KCNQ1: variants seen among roughly 807,000 people sequenced by gnomAD.
KCNQ1 encodes potassium voltage-gated channel subfamily Q member 1.
In KCNQ1, 49 loss-of-function variants were observed where a neutral mutation model predicts 72.4. The ratio of observed to expected loss-of-function variants is 0.68; its 90% CI spans 0.54 to 0.86. The LOEUF (loss-of-function observed/expected upper bound fraction) is 0.86. Ranked by LOEUF, KCNQ1 falls within the 40% of genes least tolerant of loss-of-function variation. The probability of loss-of-function intolerance (pLI) is 0.00; values close to 1 mark genes in which losing one functional copy is unlikely to be tolerated. For synonymous variants in KCNQ1, 450 were observed against 412.6 expected, an observed-to-expected ratio of 1.09 and a Z score of -1.10; for missense variants, 790 against 945.1, an observed-to-expected ratio of 0.84 and a Z score of 2.15.
chr11:2,638,577 A>G (rs1849518024), intron 10 of KCNQ1: 1 of 151,972 alleles, frequency 6.6e-6, no homozygotes, highest in African/African-American at 2.4e-5. Flanking sequence ...TTTGTGGGTA[A>G]CCCAACCTTT....
rs1488886564 is a variant in KCNQ1, at chr11:2,734,029, G to C, written c.1515-34815G>C. Among the ~76,000 whole-genome samples, 1 of 151,906 alleles carries C rather than the reference G, an allele frequency of 6.6e-6. No homozygotes were observed. The highest frequency in any genetic ancestry group is 2.4e-5 in the African/African-American group (1 of 41,336). ...AGAGCAGTTGCGCGCTCTAAATCAG[G>C]ACCACCTTGCGGTTCTCCCAGCCCC... On this transcript the variant is annotated intron_variant, in intron 11 of 15. Coordinates refer to ENST00000155840, the MANE Select transcript of KCNQ1 (RefSeq NM_000218.3). This position sits in a 1 kb window ranked among gnomAD's most constrained non-coding sequence, Gnocchi z 7.0.
intron 2 of KCNQ1, among the ~76,000 whole-genome samples, chr11:2,560,539 G>GT (rs2082205811): frequency 9.2e-6 from 1 of 108,716 alleles, no homozygotes; most frequent in Non-Finnish European, 1.9e-5. Context: ...TTCTGGGGGG[G>GT]CGGGGGGGGG....
rs1452525744 is a variant in KCNQ1, at chr11:2,550,733, G to A, written c.478-19895G>A. ...GGAAGGAGCCTCACAGGAAGGGCAG[G>A]GCAGCACCAGGCTCAGCCCAGGACC... On this transcript the variant is annotated intron_variant, in intron 2 of 15. Transcript: ENST00000155840. This position sits in a 1 kb window ranked among gnomAD's most constrained non-coding sequence, Gnocchi z 6.0. Among the ~76,000 whole-genome samples the A allele has an allele frequency of 6.6e-6, 1 of 152,144 alleles. No individual in the cohort carries two copies. The highest frequency in any genetic ancestry group is 2.4e-5 in the African/African-American group (1 of 41,420).
intron 10 of KCNQ1, chr11:2,622,164 A>G: frequency 2.5e-6 from 1 of 398,322 alleles, no homozygotes; most frequent in East Asian, 3.6e-5. Flanking sequence ...GAAGTCCCTA[A>G]GTATTATTGT....
At chr11:2,755,116 C>T (rs1846279234) in intron 11 of KCNQ1, among the ~76,000 whole-genome samples, 1 of 152,186 alleles carries the variant, frequency 6.6e-6, no homozygotes, top group Non-Finnish European at 1.5e-5. Flanking sequence ...TAGGGGTTGT[C>T]TGCATTCCTT....
chr11:2,831,393 G>A (rs1165841616), intron 15 of KCNQ1, among the ~76,000 whole-genome samples: 3 of 152,124 alleles, frequency 2.0e-5, no homozygotes, highest in Non-Finnish European at 2.9e-5. Context: ...TGAATGCCTT[G>A]TAGGCCTGGA....
At chr11:2,597,753 T>A (rs2133772716) in intron 10 of KCNQ1, among the ~76,000 whole-genome samples, 1 of 152,352 alleles carries the variant, frequency 6.6e-6, no homozygotes, top group Non-Finnish European at 1.5e-5. Flanking sequence ...TCTTTAGTAA[T>A]TTCTTTTTAG....
chr11:2,779,207 ACC>A (rs1846772378), intron 15 of KCNQ1, among the ~76,000 whole-genome samples: 1 of 152,140 alleles, frequency 6.6e-6, no homozygotes, highest in Admixed American at 6.5e-5. Flanking sequence ...AGGAAGCAAG[ACC>A]CGGGAGAGGT....
chr11:2,658,305 A>G lies in KCNQ1; in HGVS notation c.1394-3656A>G, dbSNP rs778105403. ...ATTTTTTATTTGGAATTCCTTTATA[A>G]GGAAGATTTGTCCCTCTCCTCCAAT... On this transcript the variant is annotated intron_variant, in intron 10 of 15. Coordinates refer to ENST00000155840, the MANE Select transcript of KCNQ1 (RefSeq NM_000218.3). This position sits in a 1 kb window ranked among gnomAD's most constrained non-coding sequence, Gnocchi z 4.9. The G allele has an allele frequency of 5.9e-4, 236 of 398,500 alleles. No homozygotes were observed. The highest frequency in any genetic ancestry group is 8.7e-4 in the Non-Finnish European group (197 of 226,034). The allele number at this position is 398,500 out of a possible 1,614,324, so 24.7% of individuals were successfully genotyped here. A position where few individuals can be genotyped will look rare whatever the true frequency, so the allele number is the denominator to read the frequency against.
intron 10 of KCNQ1, chr11:2,615,460 C>G (rs11023477): frequency 0.011 from 4,468 of 397,986 alleles, 98 homozygotes; most frequent in South Asian, 0.05. Flanking sequence ...CTGGGTAAAG[C>G]ATACAGCCAT....
rs72637000 is a variant in KCNQ1, at chr11:2,519,783, A to G, written c.387-8145A>G. Among the ~76,000 whole-genome samples the G allele has an allele frequency of 3.2e-4, 26 of 80,654 alleles. No individual in the cohort carries two copies. The East Asian group carries it at 3.2e-3, about 10-fold the overall frequency. 52.9% of individuals were successfully genotyped at this position (80,654 alleles called of 152,430 possible). ...GTACAGCAGGTGTTGGCCCCCCCCC[A>G]CAACATTGGTTTCCATCCCTGGAAG... On this transcript the variant is annotated intron_variant, in intron 1 of 15. Transcript: ENST00000155840.
At chr11:2,561,698 T>C (rs1400803023) in intron 2 of KCNQ1, among the ~76,000 whole-genome samples, 1 of 152,228 alleles carries the variant, frequency 6.6e-6, no homozygotes, top group Non-Finnish European at 1.5e-5. Context: ...CTCTTGCTAA[T>C]GTGTGGGACA....
Position 2,679,126 on chromosome 11 carries a change from A to G in KCNQ1, c.1514+17045A>G. The G allele has an allele frequency of 2.5e-6, 1 of 398,654 alleles. No individual in the cohort carries two copies. The highest frequency in any genetic ancestry group is 4.4e-6 in the Non-Finnish European group (1 of 226,076). The allele number at this position is 398,654 out of a possible 1,614,324, so 24.7% of individuals were successfully genotyped here. A position where few individuals can be genotyped will look rare whatever the true frequency, so the allele number is the denominator to read the frequency against. On this transcript the variant is annotated intron_variant, in intron 11 of 15. Coordinates refer to ENST00000155840, the MANE Select transcript of KCNQ1 (RefSeq NM_000218.3). The surrounding 1 kb of genome is among the most constrained non-coding windows in gnomAD (Gnocchi z 4.8). Reference sequence around the variant, plus strand: ...AGTGCTGTTATAAGCTGTGCAGGCCAAAATGGTTTCATGGCATGAGTTGGG... The same window carrying G: ...AGTGCTGTTATAAGCTGTGCAGGCCGAAATGGTTTCATGGCATGAGTTGGG...
chr11:2,539,833 C>G (rs1201250195), intron 2 of KCNQ1, among the ~76,000 whole-genome samples: 2 of 152,180 alleles, frequency 1.3e-5, no homozygotes, highest in Non-Finnish European at 2.9e-5. Context: ...CTGGAAAGAG[C>G]CTCATCAGTG....
At chr11:2,729,257 G>C (rs1448776212) in intron 11 of KCNQ1, among the ~76,000 whole-genome samples, 3 of 152,262 alleles carry the variant, frequency 2.0e-5, no homozygotes, top group Non-Finnish European at 4.4e-5. Context: ...CATGCTGCGG[G>C]CTCGAGTGAC....
At chr11:2,831,611 C>T (rs1468712487) in intron 15 of KCNQ1, among the ~76,000 whole-genome samples, 1 of 151,820 alleles carries the variant, frequency 6.6e-6, no homozygotes, top group African/African-American at 2.4e-5. Context: ...GTGTCCCCTC[C>T]GCTCCTCTCT....
In KCNQ1 at chr11:2,623,364, A is replaced by G. The variant is rs1231722300; in HGVS notation, c.1393+34510A>G. Reference sequence around the variant, plus strand: ...CCATTATAGTATCATACAGATACGTATATTTACATATATTTGTACATTTTC... The same window carrying G: ...CCATTATAGTATCATACAGATACGTGTATTTACATATATTTGTACATTTTC... On this transcript the variant is annotated intron_variant, in intron 10 of 15. Coordinates refer to ENST00000155840, the MANE Select transcript of KCNQ1 (RefSeq NM_000218.3). The surrounding 1 kb of genome is among the most constrained non-coding windows in gnomAD (Gnocchi z 5.2). 7.5e-6 allele frequency: 3 copies of G among 398,602 alleles called. No individual in the cohort carries two copies. Among genetic ancestry groups the G allele is most frequent in the Non-Finnish European group, 1.3e-5 (3 of 226,066 alleles). The allele number at this position is 398,602 out of a possible 1,614,324, so 24.7% of individuals were successfully genotyped here. A position where few individuals can be genotyped will look rare whatever the true frequency, so the allele number is the denominator to read the frequency against.
chr11:2,653,135 C>T lies in KCNQ1; in HGVS notation c.1394-8826C>T. On this transcript the variant is annotated intron_variant, in intron 10 of 15. Transcript: ENST00000155840. This position sits in a 1 kb window ranked among gnomAD's most constrained non-coding sequence, Gnocchi z 5.3. The stretch of plus-strand genomic sequence containing the variant: ...TTTGGGGAGATGAGGACTTGCATCA[C>T]AGCAGTAGAAAGCCAATGTCCCACC... 2.5e-6 allele frequency: 1 copy of T among 398,744 alleles called. No individual in the cohort carries two copies. Among genetic ancestry groups the T allele is most frequent in the Non-Finnish European group, 4.4e-6 (1 of 226,126 alleles). 24.7% of individuals were successfully genotyped at this position (398,744 alleles called of 1,614,324 possible).
chr11:2,562,482 C>T lies in KCNQ1; in HGVS notation c.478-8146C>T, dbSNP rs998778235. Among the ~76,000 whole-genome samples the T allele has an allele frequency of 6.6e-5, 10 of 152,204 alleles. No homozygotes were observed. The highest frequency in any genetic ancestry group is 9.6e-5 in the African/African-American group (4 of 41,458). ...ACAGCTGGCCCCAAAGCCCGCCAGCCGGGCTCTATGCTGTGGGGACCACTG... is the reference window on the plus strand; with the variant it reads ...ACAGCTGGCCCCAAAGCCCGCCAGCTGGGCTCTATGCTGTGGGGACCACTG... On this transcript the variant is annotated intron_variant, in intron 2 of 15. Transcript: ENST00000155840. This position sits in a 1 kb window ranked among gnomAD's most constrained non-coding sequence, Gnocchi z 7.5.
Sources: gnomAD v4.1 joint callset for allele counts (sites outside exome capture counted in the v4.1 genomes callset) on GRCh38, gnomAD v4.1.1 for gene constraint, Gnocchi (gnomAD v3.1) non-coding constraint, MANE v1.5 for transcripts, NCBI Gene and HGNC (gene_info 2026-07-23, HGNC 2026-07-21) for gene names.